ATG9B: variants seen among roughly 807,000 people sequenced by gnomAD.
The protein encoded by ATG9B is autophagy related 9B, also known as autophagy-related protein 9B.
Under a neutral mutation model 92.9 loss-of-function variants are expected in ATG9B, and 92 were observed. That is an observed-to-expected ratio of 0.99 (90% CI 0.84 to 1.18). ATG9B has a LOEUF of 1.18. Ranked by LOEUF, ATG9B falls within the 50% of genes most tolerant of loss-of-function variation. The pLI is 0.00. For missense variants in ATG9B, 1,344 were observed against 1,235.0 expected (o/e 1.09, Z -1.32); for synonymous variants, 599 against 551.4 (o/e 1.09, Z -1.21).
At chr7:151,016,615 C>T in intron 10 of ATG9B, 73 bp downstream of exon 10, 2 of 1,545,352 alleles carry the variant, frequency 1.3e-6, no homozygotes, top group Non-Finnish European at 1.7e-6. Flanking sequence ...CCCTCAGCGC[C>T]CCAGCTCCCC....
rs1309704685 is a variant in ATG9B at position 151,018,415 on chromosome 7, C to A, written c.1751G>T (p.Arg584Leu). 1 of 1,550,344 alleles carries A rather than the reference C, an allele frequency of 6.5e-7. No individual in the cohort carries two copies. The highest frequency in any genetic ancestry group is 8.7e-7 in the Non-Finnish European group (1 of 1,148,712). The change falls in exon 7 of 14, where the codon CGT becomes CTT. Residue 584 changes from arginine (R) to leucine (L), a missense_variant. Transcript: ENST00000639579. This position sits in a 1 kb window ranked among gnomAD's most constrained non-coding sequence, Gnocchi z 4.7. The part of the protein sequence containing the change: ...SFIPEEQCQG[R>L]APQLLLQTAL... ...TGTCTGCAGCAGGAGCTGCGGCGCACGACCCTGGCACTGCTCTTCCGGAAT... is the reference window on the plus strand; with the variant it reads ...TGTCTGCAGCAGGAGCTGCGGCGCAAGACCCTGGCACTGCTCTTCCGGAAT...
intron 5 of ATG9B, chr7:151,020,263 T>C (rs1341448004): frequency 6.5e-6 from 1 of 152,768 alleles, no homozygotes; most frequent in Non-Finnish European, 1.5e-5. Flanking sequence ...TTCAGCCCAG[T>C]TTCACTCAGC....
At chr7:151,023,627 C>G in intron 2 of ATG9B, 60 bp downstream of exon 2, 2 of 1,610,618 alleles carry the variant, frequency 1.2e-6, no homozygotes, top group Non-Finnish European at 1.7e-6. Context: ...CTGCCAAGAA[C>G]AGTGCCAGCT....
intron 4 of ATG9B, 47 bp from the exon 5 acceptor site, chr7:151,021,376 G>A: frequency 6.5e-7 from 1 of 1,529,182 alleles, no homozygotes; most frequent in Non-Finnish European, 8.8e-7. Flanking sequence ...GGGCGCCTGA[G>A]AAAGAGGCAG....
chr7:151,014,156 C>T (rs770455028), downstream of ATG9B: 20 of 1,605,362 alleles, frequency 1.2e-5, no homozygotes, highest in East Asian at 4.5e-4. Context: ...GGCTCAGACA[C>T]CAACAGCCCC....
chr7:151,012,293 G>A, downstream of ATG9B: 1 of 1,497,862 alleles, frequency 6.7e-7, no homozygotes, highest in African/African-American at 1.4e-5. Context: ...ACCCTGCATG[G>A]TGAGAATGGT....
intron 3 of ATG9B, 108 bp downstream of exon 3, chr7:151,023,337 T>C: frequency 6.3e-7 from 1 of 1,597,560 alleles, no homozygotes; most frequent in Non-Finnish European, 8.6e-7. Context: ...CTTGGGCTGC[T>C]CGGGAAAGCA....
chr7:151,021,800 C>T (rs1795761857), intron 4 of ATG9B, among the ~76,000 whole-genome samples: 1 of 151,594 alleles, frequency 6.6e-6, no homozygotes, highest in Non-Finnish European at 1.5e-5. Flanking sequence ...CAGGCGCCCG[C>T]CACCACACCT....
At position 151,023,986 on chromosome 7, in the gene ATG9B, G is replaced by A. The variant is rs1795853813; in HGVS notation, c.438C>T (p.Ile146=). 3.1e-6 allele frequency: 5 copies of A among 1,593,620 alleles called. No individual in the cohort carries two copies. The highest frequency in any genetic ancestry group is 4.3e-6 in the Non-Finnish European group (5 of 1,170,014). Residue 146 remains isoleucine, a synonymous_variant, in exon 1 of 14, where the codon ATC becomes ATT. Coordinates refer to ENST00000639579, the MANE Select transcript of ATG9B (RefSeq NM_001317056.2). ...DSPGLRVGPL[I]PEQDYERLED... is the part of the protein sequence containing the mutation. ...CCAGCCGCTCATAATCCTGTTCAGGGATCAAAGGGCCTACCCGCAGCCCAG... is the reference window on the plus strand; with the variant it reads ...CCAGCCGCTCATAATCCTGTTCAGGAATCAAAGGGCCTACCCGCAGCCCAG...
downstream of ATG9B, chr7:151,014,457 T>C (rs377732577): frequency 3.8e-4 from 171 of 447,328 alleles, 1 homozygote; most frequent in Middle Eastern, 8.3e-3. Flanking sequence ...GAATGTTAGA[T>C]TCCTCTTGCC....
intron 2 of ATG9B, 39 bp downstream of exon 2, chr7:151,023,648 C>T (rs1032684289): frequency 1.2e-6 from 2 of 1,613,150 alleles, no homozygotes; most frequent in East Asian, 2.2e-5. Context: ...CCAAGAGGAC[C>T]TTCCCATGCC....
chr7:151,023,602 C>T, intron 2 of ATG9B, 85 bp downstream of exon 2: 6 of 1,609,812 alleles, frequency 3.7e-6, no homozygotes, highest in Non-Finnish European at 5.1e-6. Context: ...CCCATGACGC[C>T]CTCACGGAGT....
downstream of ATG9B, chr7:151,013,386 G>C: frequency 6.2e-7 from 1 of 1,609,202 alleles, no homozygotes; most frequent in Non-Finnish European, 8.5e-7. Context: ...CAAGGTGTGA[G>C]ACCCTGAGGG....
chr7:151,021,603 G>C (rs1359574366), intron 4 of ATG9B, among the ~76,000 whole-genome samples: 3 of 151,862 alleles, frequency 2.0e-5, no homozygotes, highest in Middle Eastern at 3.2e-3. Context: ...CAAGACACGT[G>C]AACATGTCAC....
chr7:151,018,294 C>A lies in ATG9B; in HGVS notation c.1872G>T (p.Ala624=), dbSNP rs755625460. Residue 624 remains alanine, a splice_region_variant and synonymous_variant, in exon 7 of 14, where the codon GCG becomes GCT. Coordinates refer to ENST00000639579, the MANE Select transcript of ATG9B (RefSeq NM_001317056.2). This position sits in a 1 kb window ranked among gnomAD's most constrained non-coding sequence, Gnocchi z 4.7. ...AGCCCGCCGTCGCGCCCACCCTCAC[C>A]GCTCGGTACTGCAGCAGCTGCGCCA... ...RQMAQLLQYR[A]VSLLEELLSP... is the part of the protein sequence containing the mutation. 6 of 1,546,370 alleles carry A rather than the reference C, an allele frequency of 3.9e-6. No individual in the cohort carries two copies. The highest frequency in any genetic ancestry group is 2.2e-5 in the East Asian group (1 of 44,468).
At position 151,024,135 on chromosome 7, in the gene ATG9B, G is replaced by A. The variant is rs777432105; in HGVS notation, c.289C>T (p.Pro97Ser). ...CHSALPIPAT[P>S]PTQAQPAMTP... ...ATTGCAGGTTGAGCCTGTGTTGGGGGGGTGGCTGGGATAGGGAGAGCACTG... is the reference window on the plus strand; with the variant it reads ...ATTGCAGGTTGAGCCTGTGTTGGGGAGGTGGCTGGGATAGGGAGAGCACTG... Residue 97 changes from proline (P) to serine (S), a missense_variant, in exon 1 of 14, where the codon CCC becomes TCC. Physicochemically the swap from Pro to Ser is moderately conservative, Grantham distance 74. Coordinates refer to ENST00000639579, the MANE Select transcript of ATG9B (RefSeq NM_001317056.2). 4 of 1,588,974 alleles carry A rather than the reference G, an allele frequency of 2.5e-6. No homozygotes were observed. Among genetic ancestry groups the A allele is most frequent in the African/African-American group, 1.3e-5 (1 of 74,612 alleles).
chr7:151,023,065 G>A lies in ATG9B; in HGVS notation c.801C>T (p.Pro267=), dbSNP rs1436400135. ...CTAACCTCTCAGCACACTGGGCTGA[G>A]GGTAGGATGGCATCTGACAGGGTCA... ...SKVTLSDAIL[P]SAQCAERIRS... The change falls in exon 4 of 14, where the codon CCC becomes CCT. Residue 267 remains proline (P), a synonymous_variant. Coordinates refer to ENST00000639579, the MANE Select transcript of ATG9B (RefSeq NM_001317056.2). 1.2e-6 allele frequency: 2 copies of A among 1,614,172 alleles called. No individual in the cohort carries two copies. The highest frequency in any genetic ancestry group is 1.6e-4 in the Middle Eastern group (1 of 6,062).
At chr7:151,023,342 A>T in intron 3 of ATG9B, 103 bp downstream of exon 3, 1 of 1,597,500 alleles carries the variant, frequency 6.3e-7, no homozygotes, top group Non-Finnish European at 8.6e-7. Context: ...GCTGCTCGGG[A>T]AAGCATGGGA....
intron 4 of ATG9B, among the ~76,000 whole-genome samples, chr7:151,022,765 G>A (rs1453530471): frequency 1.3e-5 from 2 of 151,720 alleles, no homozygotes; most frequent in African/African-American, 4.8e-5. Context: ...GAACCTGGGA[G>A]GTGGAGGTTG....
Sources: allele counts gnomAD v4.1 joint callset (sites outside exome capture counted in the v4.1 genomes callset), GRCh38; gene constraint gnomAD v4.1.1; non-coding constraint Gnocchi (gnomAD v3.1); transcripts MANE v1.5; gene names NCBI Gene and HGNC (gene_info 2026-07-23, HGNC 2026-07-21).